The following NRXN1 variants were observed in gnomAD, a reference collection of about 807,000 sequenced individuals.
NRXN1 encodes the protein neurexin 1.
Under a neutral mutation model 150.9 loss-of-function variants are expected in NRXN1, and 39 were observed. That is an observed-to-expected ratio of 0.26 (90% confidence interval 0.20 to 0.34). The LOEUF (loss-of-function observed/expected upper bound fraction) is 0.34. Among genes scored for constraint, NRXN1 ranks in the 10% least tolerant of loss-of-function variants. The probability of loss-of-function intolerance (pLI) is 1.00; values close to 1 mark genes in which losing one functional copy is unlikely to be tolerated. For synonymous variants in NRXN1, 924 were observed against 757.0 expected (o/e 1.22, Z -3.62); for missense variants, 1,815 against 1,949.9 (o/e 0.93, Z 1.30).
intron 2 of NRXN1, among the ~76,000 whole-genome samples, chr2:51,026,779 A>C (rs1220706972): frequency 6.6e-6 from 1 of 152,226 alleles, no homozygotes; most frequent in Admixed American, 6.5e-5. Flanking sequence ...CACTTCAAGA[A>C]ACCGCATAAA....
intron 18 of NRXN1, among the ~76,000 whole-genome samples, chr2:50,122,555 T>C (rs986284384): frequency 6.6e-6 from 1 of 152,196 alleles, no homozygotes; most frequent in Non-Finnish European, 1.5e-5. Flanking sequence ...TGTGAAGACA[T>C]TTCAGTCTCA....
chr2:50,903,370 G>A (rs1683212765), intron 5 of NRXN1, among the ~76,000 whole-genome samples: 2 of 152,078 alleles, frequency 1.3e-5, no homozygotes, highest in African/African-American at 4.8e-5. Flanking sequence ...ACTATAGGAA[G>A]ACATTAACAT....
At chr2:50,925,145 T>C (rs946707422) in intron 3 of NRXN1, among the ~76,000 whole-genome samples, 12 of 151,852 alleles carry the variant, frequency 7.9e-5, no homozygotes, top group African/African-American at 2.9e-4. Context: ...CACCATTCTT[T>C]TGTTATGCCT....
At chr2:50,788,582 C>A (rs950736512) in intron 5 of NRXN1, among the ~76,000 whole-genome samples, 1 of 151,638 alleles carries the variant, frequency 6.6e-6, no homozygotes, top group African/African-American at 2.4e-5. Context: ...CAAATGTGTG[C>A]ATGTGCGTGT....
At chr2:50,203,150 G>A (rs1401529428) in intron 18 of NRXN1, among the ~76,000 whole-genome samples, 2 of 152,110 alleles carry the variant, frequency 1.3e-5, no homozygotes, top group Non-Finnish European at 1.5e-5. Context: ...TCTGATAACT[G>A]AATTAAAGTC....
chr2:50,186,547 T>C (rs2061084443), intron 18 of NRXN1, among the ~76,000 whole-genome samples: 1 of 152,112 alleles, frequency 6.6e-6, no homozygotes, highest in Non-Finnish European at 1.5e-5. Flanking sequence ...TAGATTCTTC[T>C]ATAACCTTTT....
intron 17 of NRXN1, among the ~76,000 whole-genome samples, chr2:50,354,709 G>T (rs1419915918): frequency 1.3e-5 from 2 of 151,186 alleles, no homozygotes; most frequent in Non-Finnish European, 2.9e-5. Context: ...TCCTAATACT[G>T]GTCATCCAAA....
intron 5 of NRXN1, among the ~76,000 whole-genome samples, chr2:50,685,923 T>C (rs1288792600): frequency 6.6e-6 from 1 of 152,096 alleles, no homozygotes; most frequent in Non-Finnish European, 1.5e-5. Context: ...TACACTCAAG[T>C]TTAACCGCAT....
At chr2:50,205,638 C>T (rs572529177) in intron 18 of NRXN1, among the ~76,000 whole-genome samples, 1 of 152,016 alleles carries the variant, frequency 6.6e-6, no homozygotes, top group Non-Finnish European at 1.5e-5. Flanking sequence ...ACTTTCCACA[C>T]AAAATCTTGT....
chr2:50,558,609 G>A (rs1185657172), intron 8 of NRXN1, among the ~76,000 whole-genome samples: 3 of 152,152 alleles, frequency 2.0e-5, no homozygotes, highest in Non-Finnish European at 4.4e-5. Flanking sequence ...TTTCCAAGAT[G>A]ATATTGTAGT....
intron 2 of NRXN1, among the ~76,000 whole-genome samples, chr2:50,959,285 T>C (rs755105288): frequency 2.6e-5 from 4 of 152,066 alleles, no homozygotes; most frequent in Non-Finnish European, 5.9e-5. Context: ...GGAAAATATA[T>C]GTTCACATAA....
intron 18 of NRXN1, among the ~76,000 whole-genome samples, chr2:50,106,860 C>T (rs1275264770): frequency 6.6e-6 from 1 of 151,904 alleles, no homozygotes; most frequent in Non-Finnish European, 1.5e-5. Context: ...ATTATTTACT[C>T]ATCATTTAGC....
intron 18 of NRXN1, among the ~76,000 whole-genome samples, chr2:50,101,308 C>A (rs1700949535): frequency 6.6e-6 from 1 of 151,920 alleles, no homozygotes; most frequent in Non-Finnish European, 1.5e-5. Flanking sequence ...GATATTACCT[C>A]CACCAGGAAC....
At chr2:50,509,088 A>C (rs1163176094) in intron 12 of NRXN1, among the ~76,000 whole-genome samples, 2 of 152,164 alleles carry the variant, frequency 1.3e-5, no homozygotes, top group African/African-American at 4.8e-5. Flanking sequence ...GCAGATGTGA[A>C]ACTGAAGGCC....
At position 50,388,023 on chromosome 2, in the gene NRXN1, G is replaced by C. The variant is rs939096742; in HGVS notation, c.3364+77419C>G. Among the ~76,000 whole-genome samples, 3 of 152,124 alleles carry C rather than the reference G, an allele frequency of 2.0e-5. No individual in the cohort carries two copies. In the East Asian group the frequency reaches 5.8e-4, roughly 29 times the overall value. On this transcript the variant is annotated intron_variant, in intron 17 of 22. Transcript: ENST00000401669. ...GATTTTGAAGGAGCTAAACACAAGAGAGCAGTCCACAGCTTCATCTTTTAC... is the reference window on the plus strand; with the variant it reads ...GATTTTGAAGGAGCTAAACACAAGACAGCAGTCCACAGCTTCATCTTTTAC...
intron 21 of NRXN1, among the ~76,000 whole-genome samples, chr2:49,975,740 A>G (rs1678851689): frequency 6.6e-6 from 1 of 152,178 alleles, no homozygotes; most frequent in South Asian, 2.1e-4. Flanking sequence ...ATAAAACATC[A>G]ACACTAAACC....
intron 2 of NRXN1, among the ~76,000 whole-genome samples, chr2:50,990,161 A>C (rs1440615096): frequency 6.6e-6 from 1 of 151,972 alleles, no homozygotes; most frequent in Non-Finnish European, 1.5e-5. Context: ...GTGTTCATTA[A>C]CTTATCATTG....
intron 5 of NRXN1, among the ~76,000 whole-genome samples, chr2:50,627,257 A>T (rs904528113): frequency 1.3e-5 from 2 of 151,596 alleles, no homozygotes; most frequent in African/African-American, 4.8e-5. Context: ...GTTAACCAGG[A>T]TCAGTTAACT....
chr2:50,019,783 AAAAAAATAC>A (rs1687241177), intron 21 of NRXN1, among the ~76,000 whole-genome samples: 2 of 150,006 alleles, frequency 1.3e-5, no homozygotes, highest in African/African-American at 4.9e-5. Context: ...CGTCTCTACT[AAAAAAATAC>A]AAAAAATTAG....
Sources: allele counts gnomAD v4.1 joint callset (sites outside exome capture counted in the v4.1 genomes callset), GRCh38; gene constraint gnomAD v4.1.1; transcripts MANE v1.5; gene names NCBI Gene and HGNC (gene_info 2026-07-23, HGNC 2026-07-21).